GAS2L3: variants seen among roughly 807,000 people sequenced by gnomAD.
The protein encoded by GAS2L3 is GAS2-like protein 3.
GAS2L3 carries 28 observed loss-of-function variants against 37.0 expected under a neutral mutation model. The ratio of observed to expected loss-of-function variants is 0.76; its 90% CI spans 0.56 to 1.04. GAS2L3 has a LOEUF of 1.04. GAS2L3 is among the 50% of genes least tolerant of loss of function. The pLI, the probability that GAS2L3 is intolerant of heterozygous loss-of-function variation, is 0.00. For synonymous variants in GAS2L3, 290 were observed against 296.6 expected, an observed-to-expected ratio of 0.98 and a Z score of 0.23; for missense variants, 793 against 817.6, an observed-to-expected ratio of 0.97 and a Z score of 0.37.
At chr12:100,617,319 C>A (rs1195964340) in intron 6 of GAS2L3, among the ~76,000 whole-genome samples, 1 of 152,020 alleles carries the variant, frequency 6.6e-6, no homozygotes. Flanking sequence ...ATGCTGTCAT[C>A]CTAGAATGGG....
chr12:100,624,172 C>G lies in GAS2L3; in HGVS notation c.1367C>G (p.Pro456Arg). Residue 456 changes from proline (P) to arginine (R), a missense_variant, in exon 10 of 10, where the codon CCC becomes CGC. Coordinates refer to ENST00000547754, the MANE Select transcript of GAS2L3 (RefSeq NM_174942.3). ...VIPAQNSADLPESTLLPNKCS... is the reference protein window; with the variant it reads ...VIPAQNSADLRESTLLPNKCS... Reference sequence around the variant, plus strand: ...CCAGCCCAGAATTCAGCAGATCTGCCCGAGTCCACACTTTTGCCAAATAAG... The same window carrying G: ...CCAGCCCAGAATTCAGCAGATCTGCGCGAGTCCACACTTTTGCCAAATAAG... 6.2e-7 allele frequency: 1 copy of G among 1,613,646 alleles called. No individual in the cohort carries two copies. The highest frequency in any genetic ancestry group is 2.2e-5 in the East Asian group (1 of 44,856).
rs768627736 is a variant in GAS2L3, at chr12:100,623,541, TTTG to T, written c.757-18_757-16del. On this transcript the variant is annotated intron_variant, in intron 9 of 9. Transcript: ENST00000547754. ...ACCTCACAGTATTACAGCTTTACTT[TTTG>T]TTTTCCTTTGGGGGCAGATGCTTCA... is the stretch of plus-strand genomic sequence containing the variant. The T allele has an allele frequency of 6.4e-7, 1 of 1,568,512 alleles. No individual in the cohort carries two copies. Among genetic ancestry groups the T allele is most frequent in the Admixed American group, 1.9e-5 (1 of 51,296 alleles).
intron 6 of GAS2L3, 44 bp from the exon 7 acceptor site, chr12:100,617,700 T>C (rs771641414): frequency 1.4e-4 from 154 of 1,138,286 alleles, no homozygotes; most frequent in Non-Finnish European, 1.8e-4. Context: ...TATGTTTCCA[T>C]ACTTAATTTT....
At chr12:100,594,425 T>C (rs1405767037) in intron 2 of GAS2L3, among the ~76,000 whole-genome samples, 2 of 152,072 alleles carry the variant, frequency 1.3e-5, no homozygotes, top group Non-Finnish European at 2.9e-5. Flanking sequence ...GTCAAGTTTG[T>C]GAATTTATGC....
At chr12:100,596,974 G>A (rs1955920420) in intron 3 of GAS2L3, among the ~76,000 whole-genome samples, 1 of 151,912 alleles carries the variant, frequency 6.6e-6, no homozygotes, top group Non-Finnish European at 1.5e-5. Context: ...TGCAGTTTTT[G>A]TTAATATCTG....
chr12:100,621,006 G>A (rs541834310), intron 8 of GAS2L3, among the ~76,000 whole-genome samples: 10 of 152,156 alleles, frequency 6.6e-5, no homozygotes, highest in African/African-American at 2.2e-4. Flanking sequence ...TTATACGCAC[G>A]TTATTTTGTT....
rs534396980 is a variant in GAS2L3, at chr12:100,585,502, C to T, written c.-151-6234C>T. ...AACTCCTGACCTCATGATCCACCCA[C>T]CTTGGCCTCCCAAAGTGCTGAGATT... On this transcript the variant is annotated intron_variant, in intron 1 of 9. Transcript: ENST00000547754. Among the ~76,000 whole-genome samples, 356 of 152,252 alleles carry T rather than the reference C, an allele frequency of 2.3e-3. 2 individuals carry two copies. Among genetic ancestry groups the T allele is most frequent in the African/African-American group, 8.2e-3 (341 of 41,542 alleles).
At chr12:100,618,617 A>G (rs1158692229) in intron 8 of GAS2L3, 30 bp downstream of exon 8, 7 of 1,585,690 alleles carry the variant, frequency 4.4e-6, no homozygotes, top group Non-Finnish European at 5.1e-6. Context: ...TCTTTTGACC[A>G]TGATACCTTG....
Position 100,617,797 on chromosome 12 carries a change from A to C in GAS2L3, c.499A>C (p.Ile167Leu). The change falls in exon 7 of 10, where the codon ATT (isoleucine) becomes CTT (leucine). Residue 167 changes from isoleucine to leucine, a missense_variant. Physicochemically the swap from Ile to Leu is conservative, Grantham distance 5. Transcript: ENST00000547754. Reference sequence around the variant, plus strand: ...TCTTTGTCTTCTTGAAATTGGTCGAATTGTGTCAAGGTATGTATTCCACAA... The same window carrying C: ...TCTTTGTCTTCTTGAAATTGGTCGACTTGTGTCAAGGTATGTATTCCACAA... ...VYLCLLEIGR[I>L]VSRYGVEPPV... is the part of the protein sequence containing the mutation. The C allele has an allele frequency of 6.3e-7, 1 of 1,593,184 alleles. No homozygotes were observed.
At position 100,608,199 on chromosome 12, in the gene GAS2L3, G is replaced by A. The variant is rs138365181; in HGVS notation, c.304-3801G>A. On this transcript the variant is annotated intron_variant, in intron 5 of 9. Coordinates refer to ENST00000547754, the MANE Select transcript of GAS2L3 (RefSeq NM_174942.3). ...ACCAGGTAGAGATTCTTGTGTGTGCGTGTGGGTTTTTTTCTTTACTTTATC... is the reference window on the plus strand; with the variant it reads ...ACCAGGTAGAGATTCTTGTGTGTGCATGTGGGTTTTTTTCTTTACTTTATC... Among the ~76,000 whole-genome samples, 285 of 152,284 alleles carry A rather than the reference G, an allele frequency of 1.9e-3. 2 individuals are homozygous for A. The highest frequency in any genetic ancestry group is 6.2e-3 in the African/African-American group (256 of 41,564).
At position 100,579,760 on chromosome 12, in the gene GAS2L3, T is replaced by C. The variant is rs575597443; in HGVS notation, c.-152+5975T>C. ...AGGGTTGGTGGAATTCCTGAGGTGC[T>C]TCCGGAAAATCTTACTATTTTATGA... is the stretch of plus-strand genomic sequence containing the variant. On this transcript the variant is annotated intron_variant, in intron 1 of 9. Coordinates refer to ENST00000547754, the MANE Select transcript of GAS2L3 (RefSeq NM_174942.3). The C allele has an allele frequency of 4.2e-6, 3 of 722,322 alleles. No homozygotes were observed. In the South Asian group the frequency reaches 4.7e-5, roughly 11 times the overall value. The allele number at this position is 722,322 out of a possible 1,614,324, so 44.7% of individuals were successfully genotyped here.
chr12:100,601,109 A>G (rs1204722174), intron 4 of GAS2L3, among the ~76,000 whole-genome samples: 3 of 152,288 alleles, frequency 2.0e-5, no homozygotes, highest in East Asian at 3.9e-4. Context: ...GTAGAATTCT[A>G]AAGTTTTCCT....
At chr12:100,613,904 A>G (rs1956156830) in intron 6 of GAS2L3, among the ~76,000 whole-genome samples, 1 of 152,008 alleles carries the variant, frequency 6.6e-6, no homozygotes. Flanking sequence ...AACAATTACT[A>G]TTTCTATTGA....
In GAS2L3 at chr12:100,601,719, A is replaced by G; in HGVS notation, c.269A>G (p.Asn90Ser). Residue 90 changes from asparagine to serine, a missense_variant, in exon 5 of 10, where the codon AAC becomes AGC. Coordinates refer to ENST00000547754, the MANE Select transcript of GAS2L3 (RefSeq NM_174942.3). ...TGTCAACTGATTGATGTTCTTCAAA[A>G]CATGGTGAAAACATGCAACTCTGAA... is the stretch of plus-strand genomic sequence containing the variant. ...LLCQLIDVLQ[N>S]MVKTCNSEES... 1 of 1,600,540 alleles carries G rather than the reference A, an allele frequency of 6.2e-7. No individual in the cohort carries two copies. Among genetic ancestry groups the G allele is most frequent in the Non-Finnish European group, 8.5e-7 (1 of 1,170,410 alleles).
chr12:100,607,505 A>G (rs1335391393), intron 5 of GAS2L3, among the ~76,000 whole-genome samples: 1 of 151,996 alleles, frequency 6.6e-6, no homozygotes, highest in Non-Finnish European at 1.5e-5. Context: ...CTTTGAATAA[A>G]CTTTCTATCC....
intron 1 of GAS2L3, among the ~76,000 whole-genome samples, chr12:100,574,322 G>A (rs957513973): frequency 1.3e-5 from 2 of 152,190 alleles, no homozygotes; most frequent in Non-Finnish European, 2.9e-5. Flanking sequence ...AAGGTTTATA[G>A]GCTCTTCCCT....
chr12:100,611,799 G>A (rs775447923), intron 5 of GAS2L3, among the ~76,000 whole-genome samples: 9 of 152,152 alleles, frequency 5.9e-5, no homozygotes, highest in South Asian at 2.1e-4. Context: ...GCCACAGACC[G>A]GTACCAGTCT....
rs192362610 is a variant in GAS2L3 at position 100,584,006 on chromosome 12, C to T, written c.-151-7730C>T. On this transcript the variant is annotated intron_variant, in intron 1 of 9. Coordinates refer to ENST00000547754, the MANE Select transcript of GAS2L3 (RefSeq NM_174942.3). Reference sequence around the variant, plus strand: ...TCTAAACTTTACTGTCACATTTCATCGATAGCAGAAACATTGTGGAGAAGG... The same window carrying T: ...TCTAAACTTTACTGTCACATTTCATTGATAGCAGAAACATTGTGGAGAAGG... Among the ~76,000 whole-genome samples, 19 of 152,276 alleles carry T rather than the reference C, an allele frequency of 1.2e-4. No homozygotes were observed. In the East Asian group the frequency reaches 2.7e-3, roughly 22 times the overall value.
intron 6 of GAS2L3, among the ~76,000 whole-genome samples, chr12:100,615,997 T>C (rs1005301696): frequency 6.6e-6 from 1 of 152,080 alleles, no homozygotes; most frequent in African/African-American, 2.4e-5. Context: ...AATTTGATCA[T>C]CAGCTTTTCC....
Sources: allele counts gnomAD v4.1 joint callset (sites outside exome capture counted in the v4.1 genomes callset), GRCh38; gene constraint gnomAD v4.1.1; transcripts MANE v1.5; gene names NCBI Gene and HGNC (gene_info 2026-07-23, HGNC 2026-07-21).